PDE4A: variants seen among roughly 807,000 people sequenced by gnomAD.
The protein encoded by PDE4A is 3',5'-cyclic-AMP phosphodiesterase 4A.
PDE4A carries 21 observed loss-of-function variants against 73.9 expected under a neutral mutation model. The ratio of observed to expected loss-of-function variants is 0.28; its 90% CI spans 0.20 to 0.41. PDE4A has a LOEUF of 0.41. PDE4A is among the 10% of genes least tolerant of loss of function. The pLI, the probability that PDE4A is intolerant of heterozygous loss-of-function variation, is 1.00. For synonymous variants in PDE4A, 463 were observed against 505.4 expected, an observed-to-expected ratio of 0.92 and a Z score of 1.13; for missense variants, 958 against 1,211.4, an observed-to-expected ratio of 0.79 and a Z score of 3.10.
At chr19:10,426,800 G>A (rs1312416929) in intron 1 of PDE4A, among the ~76,000 whole-genome samples, 2 of 151,812 alleles carry the variant, frequency 1.3e-5, no homozygotes, top group Middle Eastern at 3.2e-3. Context: ...CCCAGGAGGC[G>A]GAGGTTGCAG....
In PDE4A at chr19:10,448,963, C is replaced by T; in HGVS notation, c.549+10C>T. 2 of 1,613,636 alleles carry T rather than the reference C, an allele frequency of 1.2e-6. No individual in the cohort carries two copies. Among genetic ancestry groups the T allele is most frequent in the Non-Finnish European group, 8.5e-7 (1 of 1,179,800 alleles). ...AACACCATTTGCTCAGGTGAGACCT[C>T]TTCCCAAATGGTTAAGGAGAGAAGG... On this transcript the variant is annotated intron_variant, in intron 3 of 14. Coordinates refer to ENST00000380702, the MANE Select transcript of PDE4A (RefSeq NM_001111307.2).
intron 1 of PDE4A, among the ~76,000 whole-genome samples, chr19:10,428,357 C>CGAGAGAGAGAGA (rs56177515): frequency 4.2e-4 from 58 of 137,392 alleles, no homozygotes; most frequent in South Asian, 7.3e-4. Flanking sequence ...GATCCTGTCT[C>CGAGAGAGAGAGA]GAGAGAGAGA....
At chr19:10,436,791 G>C (rs557171762) in intron 1 of PDE4A, among the ~76,000 whole-genome samples, 3 of 152,182 alleles carry the variant, frequency 2.0e-5, no homozygotes, top group African/African-American at 4.8e-5. Flanking sequence ...TGTAATCCCA[G>C]CACACTGGGA....
At chr19:10,442,277 A>G (rs2042948706) in intron 1 of PDE4A, among the ~76,000 whole-genome samples, 1 of 152,032 alleles carries the variant, frequency 6.6e-6, no homozygotes, top group African/African-American at 2.4e-5. Flanking sequence ...TAATCCCAGC[A>G]CTTTGGGAGG....
intron 2 of PDE4A, among the ~76,000 whole-genome samples, chr19:10,448,072 A>C (rs1599432273): frequency 1.3e-5 from 2 of 151,758 alleles, no homozygotes; most frequent in East Asian, 3.9e-4. Flanking sequence ...CCTGGCCAAC[A>C]TAGCAAGACT....
chr19:10,435,326 C>T (rs2042850493), intron 1 of PDE4A, among the ~76,000 whole-genome samples: 1 of 151,984 alleles, frequency 6.6e-6, no homozygotes, highest in African/African-American at 2.4e-5. Context: ...GAGGGCGAGA[C>T]TTTGGGAAGC....
chr19:10,446,474 C>T (rs1297342749), intron 2 of PDE4A, 65 bp downstream of exon 2: 3 of 1,554,320 alleles, frequency 1.9e-6, no homozygotes, highest in Non-Finnish European at 2.6e-6. Flanking sequence ...CTGCCCTTCC[C>T]AGCAGGGAGT....
intron 7 of PDE4A, among the ~76,000 whole-genome samples, chr19:10,455,465 CAAA>C (rs35368894): frequency 8.5e-5 from 10 of 117,158 alleles, no homozygotes; most frequent in Admixed American, 9.1e-5. Context: ...ACTCTTGTCT[CAAA>C]AAAAAAAAAA....
Position 10,420,547 on chromosome 19 carries a change from C to T in PDE4A, c.-218C>T, listed in dbSNP as rs2042635598. The T allele has an allele frequency of 1.7e-6, 2 of 1,172,364 alleles. No individual in the cohort carries two copies. The highest frequency in any genetic ancestry group is 2.1e-6 in the Non-Finnish European group (2 of 945,116). The allele number at this position is 1,172,364 out of a possible 1,614,324, so 72.6% of individuals were successfully genotyped here. On this transcript the variant is annotated 5_prime_UTR_variant, in exon 1 of 15. Coordinates refer to ENST00000380702, the MANE Select transcript of PDE4A (RefSeq NM_001111307.2). The surrounding 1 kb of genome is among the most constrained non-coding windows in gnomAD (Gnocchi z 6.0). The stretch of plus-strand genomic sequence containing the variant: ...GAGCGCGGAGCGCGGAGAGCGCCGC[C>T]GGGCACTGAGCAGAGCTCCAGGCGC...
At chr19:10,427,284 A>G (rs1024128391) in intron 1 of PDE4A, among the ~76,000 whole-genome samples, 1 of 152,204 alleles carries the variant, frequency 6.6e-6, no homozygotes, top group Non-Finnish European at 1.5e-5. Flanking sequence ...TGGGTGACAG[A>G]GCAAGACTCC....
chr19:10,419,857 A>G (rs531183892), upstream of PDE4A, among the ~76,000 whole-genome samples: 1 of 152,304 alleles, frequency 6.6e-6, no homozygotes, highest in Non-Finnish European at 1.5e-5. Flanking sequence ...ACATCCTCCA[A>G]ATAGGTAGCA....
chr19:10,420,252 C>T (rs1381682028), upstream of PDE4A: 3 of 294,974 alleles, frequency 1.0e-5, no homozygotes, highest in Non-Finnish European at 1.5e-5. The surrounding 1 kb of genome is among the most constrained non-coding windows in gnomAD (Gnocchi z 6.0). Flanking sequence ...TGTCTGCTTC[C>T]AGATCGGATT....
intron 1 of PDE4A, chr19:10,432,323 G>C (rs1324963538): frequency 8.0e-7 from 1 of 1,253,600 alleles, no homozygotes; most frequent in African/African-American, 1.6e-5. Context: ...CCAGAGGCGT[G>C]GAGGCGGTGC....
intron 8 of PDE4A, 127 bp from the exon 9 acceptor site, chr19:10,459,273 G>A: frequency 6.6e-7 from 1 of 1,510,104 alleles, no homozygotes; most frequent in Non-Finnish European, 8.9e-7. Flanking sequence ...CTGTGCTGTT[G>A]AACCTGTCAC....
At chr19:10,454,416 C>G (rs981643653) in intron 6 of PDE4A, among the ~76,000 whole-genome samples, 1 of 152,234 alleles carries the variant, frequency 6.6e-6, no homozygotes, top group Non-Finnish European at 1.5e-5. Flanking sequence ...GGCTTGCCCC[C>G]CTTTTCCCCA....
chr19:10,451,068 T>A (rs2043082625), intron 6 of PDE4A, 127 bp downstream of exon 6: 1 of 916,400 alleles, frequency 1.1e-6, no homozygotes, highest in Admixed American at 2.1e-5. Flanking sequence ...GTTGTTCCTG[T>A]GGGCGGAGAT....
upstream of PDE4A, chr19:10,420,477 G>C (rs974005480): frequency 7.2e-6 from 6 of 833,692 alleles, no homozygotes; most frequent in East Asian, 1.2e-4. This position sits in a 1 kb window ranked among gnomAD's most constrained non-coding sequence, Gnocchi z 6.0. Context: ...GGGGCGGGAC[G>C]GGGCGGAGGA....
chr19:10,420,412 C>A, upstream of PDE4A: 1 of 959,198 alleles, frequency 1.0e-6, no homozygotes. The surrounding 1 kb of genome is among the most constrained non-coding windows in gnomAD (Gnocchi z 6.0). Flanking sequence ...CCCGCTGGCC[C>A]GGACGGAGGA....
intron 10 of PDE4A, among the ~76,000 whole-genome samples, chr19:10,460,551 T>C (rs1167885437): frequency 6.6e-6 from 1 of 151,770 alleles, no homozygotes; most frequent in East Asian, 1.9e-4. Context: ...CTCACACTTG[T>C]AATCCCAGTA....
Sources: gnomAD v4.1 joint callset for allele counts (sites outside exome capture counted in the v4.1 genomes callset) on GRCh38, gnomAD v4.1.1 for gene constraint, Gnocchi (gnomAD v3.1) non-coding constraint, MANE v1.5 for transcripts, NCBI Gene and HGNC (gene_info 2026-07-23, HGNC 2026-07-21) for gene names.